SORBS2: variants seen among roughly 807,000 people sequenced by gnomAD.
SORBS2 encodes the protein sorbin and SH3 domain-containing protein 2.
Under a neutral mutation model 97.7 loss-of-function variants are expected in SORBS2, and 46 were observed. The observed-to-expected ratio is 0.47, with a 90% CI of 0.37 to 0.60. The LOEUF is 0.60. Among genes scored for constraint, SORBS2 ranks in the 20% least tolerant of loss-of-function variants. SORBS2 has a pLI of 0.00. For missense variants in SORBS2, 1,316 were observed against 1,282.3 expected (o/e 1.03, Z -0.40); for synonymous variants, 476 against 473.4 (o/e 1.01, Z -0.07).
At chr4:185,879,168 C>CA (rs2099235407) in intron 1 of SORBS2, among the ~76,000 whole-genome samples, 1 of 80,092 alleles carries the variant, frequency 1.2e-5, no homozygotes, top group Non-Finnish European at 2.6e-5. Context: ...CTATCCCTCC[C>CA]CCCCCCCCAC....
chr4:185,870,394 C>T (rs565568407), intron 1 of SORBS2, among the ~76,000 whole-genome samples: 8 of 152,306 alleles, frequency 5.3e-5, no homozygotes, highest in East Asian at 1.9e-4. Context: ...TGACCCAATG[C>T]GGGCATCCCA....
chr4:185,804,998 TCTTA>T, intron 1 of SORBS2, among the ~76,000 whole-genome samples: 1 of 152,264 alleles, frequency 6.6e-6, no homozygotes, highest in South Asian at 2.1e-4. Context: ...AACTTTTCTT[TCTTA>T]TTCTTTTTTA....
At chr4:185,933,375 G>C (rs1184562152) in intron 1 of SORBS2, 1 of 152,062 alleles carries the variant, frequency 6.6e-6, no homozygotes, top group African/African-American at 2.4e-5. Context: ...TCGTCTGCTT[G>C]GGCTGTGATA....
chr4:185,784,740 A>G (rs1362021724), intron 1 of SORBS2, among the ~76,000 whole-genome samples: 1 of 152,242 alleles, frequency 6.6e-6, no homozygotes, highest in Non-Finnish European at 1.5e-5. Context: ...CCATTAAGAT[A>G]TTAGTTAAAA....
At chr4:185,618,812 T>G (rs1429267371) in intron 8 of SORBS2, among the ~76,000 whole-genome samples, 181 bp from the exon 21 acceptor site, 1 of 152,204 alleles carries the variant, frequency 6.6e-6, no homozygotes, top group Non-Finnish European at 1.5e-5. Context: ...TAAGCTATAA[T>G]AGGAATATAA....
intron 4 of SORBS2, among the ~76,000 whole-genome samples, chr4:185,632,141 AAC>A (rs1474380846): frequency 6.6e-6 from 1 of 152,226 alleles, no homozygotes; most frequent in Non-Finnish European, 1.5e-5. Flanking sequence ...AATCAATTAA[AAC>A]AATACAATTT....
intron 1 of SORBS2, among the ~76,000 whole-genome samples, chr4:185,908,294 T>TATATTTGTATACACACAA (rs1554049911): frequency 1.3e-5 from 1 of 75,686 alleles, no homozygotes; most frequent in Admixed American, 1.4e-4. Flanking sequence ...TATATATATA[T>TATATTTGTATACACACAA]ATATATATAT....
rs146030135 is a variant in SORBS2 at position 185,669,676 on chromosome 4, A to G, written c.-45-7434T>C. Among the ~76,000 whole-genome samples the G allele has an allele frequency of 4.2e-3, 643 of 152,304 alleles. 8 individuals carry two copies. Among genetic ancestry groups the G allele is most frequent in the African/African-American group, 0.014 (585 of 41,556 alleles). The stretch of plus-strand genomic sequence containing the variant: ...AATCTTTGAAAGAAAATCAACATCA[A>G]TGCAAAAAAGCAAAAATACCCCATA... On this transcript the variant is annotated intron_variant, in intron 4 of 20. Coordinates refer to the SORBS2 transcript ENST00000284776.
At chr4:185,940,059 C>G (rs140251999) in intron 1 of SORBS2, among the ~76,000 whole-genome samples, 183 of 152,314 alleles carry the variant, frequency 1.2e-3, no homozygotes, top group Non-Finnish European at 2.3e-3. Context: ...GGGCTGACCT[C>G]CTACATCAGT....
intron 1 of SORBS2, among the ~76,000 whole-genome samples, chr4:185,865,211 AGTTATCAACCT>A (rs1284408466): frequency 6.6e-6 from 1 of 152,194 alleles, no homozygotes; most frequent in Admixed American, 6.5e-5. Context: ...ACATAAGTTT[AGTTATCAACCT>A]CCAACTCAAG....
rs552977600 is a variant in SORBS2 at position 185,681,923 on chromosome 4, C to G, written c.-197-3101G>C. On this transcript the variant is annotated intron_variant, in intron 2 of 20. Transcript: ENST00000284776. ...TTTTAACTGATATGCTCTATTGACA[C>G]TATCACTATATTTTTCTTGAAAATT... Among the ~76,000 whole-genome samples, 4 of 152,316 alleles carry G rather than the reference C, an allele frequency of 2.6e-5. No homozygotes were observed. The South Asian group carries it at 8.3e-4, about 32-fold the overall frequency.
At chr4:185,624,670 G>T (rs1019253634) in intron 6 of SORBS2, among the ~76,000 whole-genome samples, 176 bp from the exon 19 acceptor site, 22 of 152,140 alleles carry the variant, frequency 1.4e-4, no homozygotes, top group African/African-American at 5.3e-4. Context: ...AGAGAAGAAG[G>T]TCTAATTCTA....
intron 2 of SORBS2, among the ~76,000 whole-genome samples, chr4:185,706,547 G>T (rs1459305093): frequency 6.6e-6 from 1 of 151,958 alleles, no homozygotes; most frequent in Non-Finnish European, 1.5e-5. Context: ...CCTTCCTTCT[G>T]TCACTAAACA....
chr4:185,919,814 C>T (rs7656290), intron 1 of SORBS2, among the ~76,000 whole-genome samples: 28,203 of 152,224 alleles, frequency 0.19, 3,444 homozygotes, highest in African/African-American at 0.35. Flanking sequence ...TATTGTCCTG[C>T]TGTCATCTTT....
intron 1 of SORBS2, among the ~76,000 whole-genome samples, chr4:185,953,141 C>A (rs914944372): frequency 2.0e-5 from 3 of 152,150 alleles, no homozygotes; most frequent in African/African-American, 4.8e-5. Flanking sequence ...ATAGTGAAAC[C>A]CCGTCTCTAC....
chr4:185,899,664 G>A (rs1261040099), intron 1 of SORBS2, among the ~76,000 whole-genome samples: 1 of 152,106 alleles, frequency 6.6e-6, no homozygotes, highest in East Asian at 1.9e-4. Flanking sequence ...TTGAGTCAAG[G>A]GCTTGATATC....
intron 1 of SORBS2, among the ~76,000 whole-genome samples, chr4:185,914,483 A>G (rs566401083): frequency 2.6e-5 from 4 of 152,340 alleles, no homozygotes; most frequent in African/African-American, 4.8e-5. Context: ...AACAAGTTCT[A>G]TAGGTACATA....
chr4:185,651,014 T>A (rs1581831482), intron 2 of SORBS2, among the ~76,000 whole-genome samples: 1 of 151,900 alleles, frequency 6.6e-6, no homozygotes, highest in Non-Finnish European at 1.5e-5. Context: ...CCAAGTGAGG[T>A]TGCAGCTGCT....
intron 9 of SORBS2, among the ~76,000 whole-genome samples, chr4:185,617,363 A>C (rs530448581): frequency 6.6e-6 from 1 of 152,162 alleles, no homozygotes; most frequent in Non-Finnish European, 1.5e-5. Context: ...CATGTTCAAC[A>C]TCTTAATTTC....
Sources: gnomAD v4.1 joint callset for allele counts (sites outside exome capture counted in the v4.1 genomes callset) on GRCh38, gnomAD v4.1.1 for gene constraint, MANE v1.5 for transcripts, NCBI Gene and HGNC (gene_info 2026-07-23, HGNC 2026-07-21) for gene names.